OSTN: variants seen among roughly 807,000 people sequenced by gnomAD.
OSTN encodes osteocrin.
OSTN carries 9 observed loss-of-function variants against 12.0 expected under a neutral mutation model. The observed-to-expected ratio is 0.75, with a 90% CI of 0.45 to 1.30. The LOEUF is 1.30. Ranked by LOEUF, OSTN falls within the 50% of genes most tolerant of loss-of-function variation. The pLI, the probability that OSTN is intolerant of heterozygous loss-of-function variation, is 0.00. For synonymous variants in OSTN, 59 were observed against 56.9 expected (o/e 1.04, Z -0.16); for missense variants, 148 against 152.3 (o/e 0.97, Z 0.15).
At chr3:191,227,335 C>G (rs1239304309) in intron 3 of OSTN, among the ~76,000 whole-genome samples, 2 of 151,878 alleles carry the variant, frequency 1.3e-5, no homozygotes, top group Non-Finnish European at 1.5e-5. Flanking sequence ...TTTGAAAAAC[C>G]AAAATAATTA....
At chr3:191,241,268 T>TC (rs1470570057) in intron 3 of OSTN, among the ~76,000 whole-genome samples, 1 of 137,450 alleles carries the variant, frequency 7.3e-6, no homozygotes, top group East Asian at 2.4e-4. Flanking sequence ...AAGTTCCGCC[T>TC]CCCGGGTTCA....
At position 191,263,464 on chromosome 3, in the gene OSTN, C is replaced by T. The variant is rs1715854120; in HGVS notation, c.*611C>T. On this transcript the variant is annotated 3_prime_UTR_variant, in exon 5 of 5. Transcript: ENST00000682035. ...AAAGTGAAGGACATTACTCATTTGT[C>T]AAACTTAGATATCACTTGTCCCCTA... 1 of 152,160 alleles carries T rather than the reference C, an allele frequency of 6.6e-6. No homozygotes were observed. The highest frequency in any genetic ancestry group is 2.4e-5 in the African/African-American group (1 of 41,446). 9.4% of individuals were successfully genotyped at this position (152,160 alleles called of 1,614,324 possible).
At chr3:191,240,580 T>A (rs12494322) in intron 3 of OSTN, among the ~76,000 whole-genome samples, 1 of 152,082 alleles carries the variant, frequency 6.6e-6, no homozygotes, top group African/African-American at 2.4e-5. Context: ...ACACTTTTTG[T>A]GCATCGGAAA....
chr3:191,245,743 T>C (rs16866364), intron 3 of OSTN, among the ~76,000 whole-genome samples: 1,922 of 152,234 alleles, frequency 0.013, 43 homozygotes, highest in African/African-American at 0.044. Context: ...GACCAAAGAA[T>C]GTTCTGTTTT....
chr3:191,209,675 A>T (rs184442273), intron 1 of OSTN, among the ~76,000 whole-genome samples: 298 of 152,368 alleles, frequency 2.0e-3, no homozygotes, highest in Admixed American at 3.6e-3. Context: ...TAACTGACAT[A>T]GTTAATACAA....
At chr3:191,205,316 C>G (rs1223468655) in intron 1 of OSTN, among the ~76,000 whole-genome samples, 2 of 152,070 alleles carry the variant, frequency 1.3e-5, no homozygotes, top group East Asian at 3.8e-4. Flanking sequence ...TCCTTCAAGT[C>G]TGAGCCTGAG....
chr3:191,237,702 A>G (rs1715228529), intron 3 of OSTN, among the ~76,000 whole-genome samples: 1 of 152,232 alleles, frequency 6.6e-6, no homozygotes, highest in African/African-American at 2.4e-5. Flanking sequence ...CTTATCAGGA[A>G]GATGCCAATC....
At chr3:191,243,100 A>G (rs1715357418) in intron 3 of OSTN, among the ~76,000 whole-genome samples, 1 of 152,204 alleles carries the variant, frequency 6.6e-6, no homozygotes, top group Non-Finnish European at 1.5e-5. Flanking sequence ...TTAAAACCAC[A>G]GTGGGATATG....
chr3:191,228,996 C>T (rs1210798511), intron 3 of OSTN, among the ~76,000 whole-genome samples: 1 of 152,048 alleles, frequency 6.6e-6, no homozygotes, highest in Non-Finnish European at 1.5e-5. Flanking sequence ...CCCAGCACTA[C>T]CTGTAAAACA....
intron 4 of OSTN, among the ~76,000 whole-genome samples, chr3:191,260,685 C>T (rs141879576): frequency 1.5e-3 from 233 of 152,264 alleles, no homozygotes; most frequent in Admixed American, 2.4e-3. Context: ...AGGATGGCCA[C>T]CTGATGTGAT....
In OSTN at chr3:191,242,851, T is replaced by A. The variant is rs188461411; in HGVS notation, c.318-7186T>A. ...TTTTAAAACCACATCAAAGATTTTT[T>A]AAAAAATCACAATAAAGAAGATGAA... On this transcript the variant is annotated intron_variant, in intron 3 of 4. Transcript: ENST00000682035. Among the ~76,000 whole-genome samples, 154 of 152,166 alleles carry A rather than the reference T, an allele frequency of 1.0e-3. 1 individual carries two copies. The highest frequency in any genetic ancestry group is 3.4e-3 in the African/African-American group (142 of 41,530).
chr3:191,259,115 T>C (rs1715741640), intron 4 of OSTN, among the ~76,000 whole-genome samples: 1 of 152,140 alleles, frequency 6.6e-6, no homozygotes, highest in Non-Finnish European at 1.5e-5. Flanking sequence ...GTTAGAAGTC[T>C]TTTCTAGACC....
At chr3:191,247,936 C>T (rs1034572934) in intron 3 of OSTN, among the ~76,000 whole-genome samples, 2 of 152,002 alleles carry the variant, frequency 1.3e-5, no homozygotes, top group East Asian at 3.9e-4. Context: ...CAGGTTCAAG[C>T]GATTCTCATG....
At chr3:191,246,793 C>A (rs955961902) in intron 3 of OSTN, among the ~76,000 whole-genome samples, 1 of 151,344 alleles carries the variant, frequency 6.6e-6, no homozygotes, top group Admixed American at 6.6e-5. Context: ...GAGGCCACAG[C>A]ATTCCTTGAT....
intron 4 of OSTN, among the ~76,000 whole-genome samples, chr3:191,253,704 A>G (rs959984712): frequency 3.9e-5 from 6 of 152,190 alleles, no homozygotes; most frequent in Admixed American, 3.9e-4. Flanking sequence ...GTTTATTTTC[A>G]GTAGTTTAAA....
intron 3 of OSTN, among the ~76,000 whole-genome samples, chr3:191,230,292 A>T (rs1266785355): frequency 6.6e-6 from 1 of 151,946 alleles, no homozygotes; most frequent in Non-Finnish European, 1.5e-5. Context: ...TTGGCTGGGC[A>T]CGGTGGCTCA....
chr3:191,232,506 CTATATA>C (rs150235705), intron 3 of OSTN, among the ~76,000 whole-genome samples: 18 of 146,322 alleles, frequency 1.2e-4, no homozygotes, highest in African/African-American at 4.5e-4. Flanking sequence ...AAAGTAAATG[CTATATA>C]TATATATATA....
intron 3 of OSTN, among the ~76,000 whole-genome samples, chr3:191,220,640 T>A (rs2108534178): frequency 6.6e-6 from 1 of 152,222 alleles, no homozygotes; most frequent in East Asian, 1.9e-4. Flanking sequence ...TGGGTAAGTA[T>A]ATCAAAAATA....
chr3:191,223,136 G>A (rs993938660), intron 3 of OSTN, among the ~76,000 whole-genome samples: 1 of 152,168 alleles, frequency 6.6e-6, no homozygotes, highest in African/African-American at 2.4e-5. Context: ...GTACCATAAT[G>A]AGAAACTACC....
Sources: allele counts gnomAD v4.1 joint callset (sites outside exome capture counted in the v4.1 genomes callset), GRCh38; gene constraint gnomAD v4.1.1; transcripts MANE v1.5; gene names NCBI Gene and HGNC (gene_info 2026-07-23, HGNC 2026-07-21).